NAV2: variants seen among roughly 807,000 people sequenced by gnomAD.
NAV2 encodes neuron navigator 2.
NAV2 carries 54 observed loss-of-function variants against 223.2 expected under a neutral mutation model. That is an observed-to-expected ratio of 0.24 (90% CI 0.19 to 0.30). NAV2 has a LOEUF of 0.30. Ranked by LOEUF, NAV2 falls within the 10% of genes least tolerant of loss-of-function variation. The probability of loss-of-function intolerance (pLI) is 1.00; values close to 1 mark genes in which losing one functional copy is unlikely to be tolerated. For synonymous variants in NAV2, 1,279 were observed against 1,239.3 expected (o/e 1.03, Z -0.67); for missense variants, 2,806 against 3,147.5 (o/e 0.89, Z 2.60).
chr11:19,810,693 C>T (rs2058795373), intron 1 of NAV2, among the ~76,000 whole-genome samples: 1 of 152,198 alleles, frequency 6.6e-6, no homozygotes, highest in Non-Finnish European at 1.5e-5. Context: ...TAAGCTTTCA[C>T]TCCAACAGTG....
At chr11:19,387,917 T>C (rs75239654) in intron 1 of NAV2, among the ~76,000 whole-genome samples, 2,886 of 152,324 alleles carry the variant, frequency 0.019, 88 homozygotes, top group African/African-American at 0.066. Context: ...TGTTCTCTTA[T>C]GCATCTCCTC....
chr11:19,612,652 C>T (rs181089754), intron 1 of NAV2, among the ~76,000 whole-genome samples: 2 of 152,286 alleles, frequency 1.3e-5, no homozygotes, highest in East Asian at 3.9e-4. Flanking sequence ...CCAACAAGTT[C>T]CTCATCTCCA....
chr11:19,884,977 C>A (rs536610108), intron 5 of NAV2, among the ~76,000 whole-genome samples: 1 of 152,326 alleles, frequency 6.6e-6, no homozygotes, highest in African/African-American at 2.4e-5. Context: ...AACAGGCTTG[C>A]TCACAAGCTA....
At chr11:19,896,530 G>T (rs546458673) in intron 6 of NAV2, among the ~76,000 whole-genome samples, 107 of 152,260 alleles carry the variant, frequency 7.0e-4, no homozygotes, top group Non-Finnish European at 1.1e-3. Context: ...CTATCAAAAT[G>T]TGATAGGATA....
At chr11:19,572,870 A>T (rs983925722) in intron 1 of NAV2, among the ~76,000 whole-genome samples, 1 of 152,226 alleles carries the variant, frequency 6.6e-6, no homozygotes, top group East Asian at 1.9e-4. Context: ...ATTAATTAGT[A>T]TAATTACCTG....
chr11:19,419,020 A>G (rs2702739), intron 1 of NAV2, among the ~76,000 whole-genome samples: 106,275 of 151,730 alleles, frequency 0.7, 37,278 homozygotes, highest in Admixed American at 0.73. Context: ...AGTAATAGGG[A>G]CTCAAGGAGG....
chr11:19,489,416 A>G (rs955954814), intron 1 of NAV2, among the ~76,000 whole-genome samples: 10 of 152,220 alleles, frequency 6.6e-5, no homozygotes, highest in African/African-American at 2.4e-4. Context: ...TGATGTGGGA[A>G]GGCAGAGACT....
chr11:19,799,029 C>T (rs940342724), intron 1 of NAV2, among the ~76,000 whole-genome samples: 3 of 152,130 alleles, frequency 2.0e-5, no homozygotes, highest in Non-Finnish European at 4.4e-5. Context: ...GAGGCTGGGT[C>T]CTGCAAGACC....
intron 1 of NAV2, among the ~76,000 whole-genome samples, chr11:19,372,201 C>T (rs552988295): frequency 1.3e-5 from 2 of 152,294 alleles, no homozygotes; most frequent in East Asian, 3.9e-4. Flanking sequence ...GTCACTTCCC[C>T]CTCTGAATGC....
chr11:19,613,787 T>C (rs768689032), intron 1 of NAV2, among the ~76,000 whole-genome samples: 3 of 152,200 alleles, frequency 2.0e-5, no homozygotes, highest in Non-Finnish European at 4.4e-5. Flanking sequence ...TCATCCATAA[T>C]AATGTTACTT....
chr11:20,044,849 C>T, intron 13 of NAV2, 119 bp from the exon 14 acceptor site: 1 of 755,536 alleles, frequency 1.3e-6, no homozygotes, highest in Middle Eastern at 3.1e-4. Context: ...AAAGCTCTTT[C>T]CTCTGCCTCC....
At chr11:19,363,846 C>T (rs1271916584) in intron 1 of NAV2, among the ~76,000 whole-genome samples, 2 of 152,162 alleles carry the variant, frequency 1.3e-5, no homozygotes, top group Admixed American at 6.5e-5. Context: ...CCGGTTTATA[C>T]AGGAAATAAC....
chr11:20,001,297 G>A (rs1168635539), intron 11 of NAV2, among the ~76,000 whole-genome samples: 1 of 152,098 alleles, frequency 6.6e-6, no homozygotes, highest in Admixed American at 6.6e-5. Context: ...AAAGGACCCC[G>A]TGCTATCCTT....
At chr11:19,484,342 G>A (rs1052732388) in intron 1 of NAV2, among the ~76,000 whole-genome samples, 2 of 152,188 alleles carry the variant, frequency 1.3e-5, no homozygotes, top group African/African-American at 4.8e-5. Context: ...ATGACAGGGA[G>A]GTCACCTCCT....
chr11:19,517,043 C>A (rs1400408844), intron 1 of NAV2, among the ~76,000 whole-genome samples: 1 of 145,182 alleles, frequency 6.9e-6, no homozygotes, highest in Non-Finnish European at 1.5e-5. Flanking sequence ...GACCCTCTCT[C>A]TCCAAAAAAA....
chr11:19,931,056 T>C (rs955827658), intron 6 of NAV2, among the ~76,000 whole-genome samples: 1 of 152,204 alleles, frequency 6.6e-6, no homozygotes, highest in African/African-American at 2.4e-5. Flanking sequence ...TTTCTGGCTG[T>C]GTAATTTAGG....
In NAV2 at chr11:19,934,206, T is replaced by C. The variant is rs1444752526; in HGVS notation, c.1962T>C (p.Ser654=). ...TTQTTGSNTV[S]VQLPQPQQQY... ...AGACCACAGGAAGCAATACCGTCAG[T>C]GTTCAGCTACCTCAGCCCCAGCAGC... The change falls in exon 7 of 38, where the codon AGT becomes AGC. Residue 654 remains serine, a synonymous_variant. Coordinates refer to ENST00000349880, the MANE Select transcript of NAV2 (RefSeq NM_145117.5). The C allele has an allele frequency of 2.5e-6, 4 of 1,612,910 alleles. No homozygotes were observed. Among genetic ancestry groups the C allele is most frequent in the Non-Finnish European group, 3.4e-6 (4 of 1,179,634 alleles).
intron 10 of NAV2, among the ~76,000 whole-genome samples, chr11:19,967,901 C>T (rs1028325047): frequency 4.6e-5 from 7 of 152,166 alleles, no homozygotes; most frequent in East Asian, 3.9e-4. Context: ...TGGAAAGCCA[C>T]GTTTCCACAG....
chr11:19,958,714 C>T lies in NAV2; in HGVS notation c.2645+9634C>T, dbSNP rs1436498774. Among the ~76,000 whole-genome samples the T allele has an allele frequency of 2.6e-5, 4 of 152,228 alleles. No individual in the cohort carries two copies. The East Asian group carries it at 7.7e-4, about 29-fold the overall frequency. On this transcript the variant is annotated intron_variant, in intron 10 of 37. Transcript: ENST00000349880. The stretch of plus-strand genomic sequence containing the variant: ...ACCATATTGTCCACCACTGTCACTA[C>T]CAGCAGCAGCGGTGGCACCTTGAGG...
Sources: gnomAD v4.1 joint callset for allele counts (sites outside exome capture counted in the v4.1 genomes callset) on GRCh38, gnomAD v4.1.1 for gene constraint, MANE v1.5 for transcripts, NCBI Gene and HGNC (gene_info 2026-07-23, HGNC 2026-07-21) for gene names.